The following NEGR1 variants were observed in gnomAD, a reference collection of about 807,000 sequenced individuals.
NEGR1 encodes IgLON family member 4.
A neutral mutation model predicts 40.9 loss-of-function variants in NEGR1; 10 were observed. The observed-to-expected ratio is 0.24, with a 90% CI of 0.15 to 0.42. The LOEUF is 0.42. NEGR1 is among the 10% of genes least tolerant of loss of function. The pLI is 1.00. For missense variants in NEGR1, 352 were observed against 438.9 expected (o/e 0.80, Z 1.77); for synonymous variants, 185 against 166.8 (o/e 1.11, Z -0.84).
In NEGR1 at chr1:71,935,131, A is replaced by G; in HGVS notation, c.357T>C (p.Ser119=). ...DVTDDGPYTC[S]VQTQHTPRTM... is the part of the protein sequence containing the mutation. ...TTCTGGGTGTATGTTGAGTCTGAAC[A>G]GAACACGTGTATGGGCCATCATCTG... Residue 119 remains serine (S), a synonymous_variant, in exon 2 of 7, where the codon TCT becomes TCC. Coordinates refer to ENST00000357731, the MANE Select transcript of NEGR1 (RefSeq NM_173808.3). 9 of 1,613,896 alleles carry G rather than the reference A, an allele frequency of 5.6e-6. No individual in the cohort carries two copies. The highest frequency in any genetic ancestry group is 7.6e-6 in the Non-Finnish European group (9 of 1,179,830).
chr1:71,557,346 T>C (rs1467599243), intron 6 of NEGR1, among the ~76,000 whole-genome samples: 1 of 151,570 alleles, frequency 6.6e-6, no homozygotes, highest in Non-Finnish European at 1.5e-5. Context: ...TCTGGGAAAT[T>C]AGGCTTTCTT....
At chr1:71,751,591 T>A (rs953518650) in intron 3 of NEGR1, among the ~76,000 whole-genome samples, 2 of 152,220 alleles carry the variant, frequency 1.3e-5, no homozygotes, top group African/African-American at 4.8e-5. Context: ...CATTGGATGT[T>A]AGTCAAACAG....
chr1:71,953,262 G>C (rs982047044), intron 1 of NEGR1, among the ~76,000 whole-genome samples: 3 of 151,946 alleles, frequency 2.0e-5, no homozygotes, highest in Non-Finnish European at 2.9e-5. Flanking sequence ...AGATATCATT[G>C]AGAATATTCG....
At chr1:71,678,557 C>T (rs781305066) in intron 4 of NEGR1, among the ~76,000 whole-genome samples, 13 of 152,138 alleles carry the variant, frequency 8.5e-5, no homozygotes, top group East Asian at 3.9e-4. Flanking sequence ...CCACCCAGAG[C>T]AAGTCTAGTT....
chr1:71,854,546 C>T (rs1376055885), intron 2 of NEGR1, among the ~76,000 whole-genome samples: 1 of 151,912 alleles, frequency 6.6e-6, no homozygotes, highest in Non-Finnish European at 1.5e-5. Context: ...CGTATTAGTC[C>T]ACTCTGATGC....
intron 1 of NEGR1, among the ~76,000 whole-genome samples, chr1:72,060,474 G>A (rs753389253): frequency 6.6e-6 from 1 of 151,634 alleles, no homozygotes; most frequent in Non-Finnish European, 1.5e-5. Context: ...ACCTAACCAT[G>A]TTAATCTCCT....
chr1:71,501,671 T>G (rs1380716077), intron 6 of NEGR1, among the ~76,000 whole-genome samples: 2 of 152,122 alleles, frequency 1.3e-5, no homozygotes, highest in African/African-American at 4.8e-5. Flanking sequence ...TGGTGACATG[T>G]CAAAGAATGC....
rs534563886 is a variant in NEGR1, at chr1:72,165,990, G to C, written c.176+116329C>G. Among the ~76,000 whole-genome samples the C allele has an allele frequency of 1.6e-4, 24 of 152,020 alleles. No homozygotes were observed. In the South Asian group the frequency reaches 4.8e-3, roughly 30 times the overall value. ...AGAAATTCAACTTGAACTACGTTAG[G>C]CAATAAGAGTTTATATAATAGGAAA... On this transcript the variant is annotated intron_variant, in intron 1 of 6. Transcript: ENST00000357731.
At chr1:72,255,547 C>CTTTT (rs35452808) in intron 1 of NEGR1, among the ~76,000 whole-genome samples, 57 of 125,342 alleles carry the variant, frequency 4.5e-4, no homozygotes, top group Non-Finnish European at 7.8e-4. Flanking sequence ...AAAAATACTT[C>CTTTT]TTTTTTTTTT....
At chr1:71,720,204 A>G (rs906978100) in intron 3 of NEGR1, among the ~76,000 whole-genome samples, 14 of 152,220 alleles carry the variant, frequency 9.2e-5, no homozygotes, top group African/African-American at 2.9e-4. Flanking sequence ...ACAATGTTGT[A>G]ATAGTGTATA....
intron 5 of NEGR1, among the ~76,000 whole-genome samples, chr1:71,594,700 C>T (rs1214152687): frequency 6.6e-6 from 1 of 152,170 alleles, no homozygotes; most frequent in Non-Finnish European, 1.5e-5. Flanking sequence ...AACATTTATG[C>T]TAAATTCCCC....
intron 6 of NEGR1, among the ~76,000 whole-genome samples, chr1:71,430,584 C>T (rs552445951): frequency 6.6e-5 from 10 of 150,898 alleles, no homozygotes; most frequent in African/African-American, 2.4e-4. Context: ...CACATTTTAG[C>T]TGGGCAGTAC....
intron 1 of NEGR1, among the ~76,000 whole-genome samples, chr1:72,091,437 CTCCCTAACTCCA>C (rs1266976486): frequency 3.4e-5 from 5 of 147,058 alleles, no homozygotes; most frequent in Non-Finnish European, 4.5e-5. Context: ...CCTTCCCTCC[CTCCCTAACTCCA>C]TCCCTAACTC....
intron 1 of NEGR1, among the ~76,000 whole-genome samples, chr1:72,218,894 T>C (rs969820044): frequency 6.6e-6 from 1 of 151,978 alleles, no homozygotes; most frequent in African/African-American, 2.4e-5. Flanking sequence ...AAAGAAAAGG[T>C]TGCTGTTTGC....
chr1:71,549,670 A>T (rs894191979), intron 6 of NEGR1, among the ~76,000 whole-genome samples: 2 of 151,638 alleles, frequency 1.3e-5, no homozygotes, highest in African/African-American at 4.8e-5. Context: ...GTTTGTTAAA[A>T]CCCAAAGCCC....
intron 1 of NEGR1, among the ~76,000 whole-genome samples, chr1:71,990,918 A>ATATATATT (rs888701714): frequency 9.6e-6 from 1 of 104,206 alleles, no homozygotes; most frequent in Admixed American, 9.9e-5. Context: ...ATATATATAT[A>ATATATATT]TTTTTTTTTT....
chr1:72,040,314 CA>C (rs1220904715), intron 1 of NEGR1, among the ~76,000 whole-genome samples: 3 of 151,702 alleles, frequency 2.0e-5, no homozygotes, highest in Admixed American at 1.3e-4. Context: ...GTTGAATCTG[CA>C]ATAGAAATAG....
intron 1 of NEGR1, among the ~76,000 whole-genome samples, chr1:72,278,501 T>C (rs1036912430): frequency 6.6e-6 from 1 of 152,120 alleles, no homozygotes; most frequent in African/African-American, 2.4e-5. Context: ...ACAGTATTTG[T>C]TAATAAGGTA....
chr1:71,971,490 T>C (rs981545965), intron 1 of NEGR1, among the ~76,000 whole-genome samples: 1 of 152,218 alleles, frequency 6.6e-6, no homozygotes, highest in Non-Finnish European at 1.5e-5. Context: ...CATGAGATTA[T>C]ACACATGAAA....
Sources: gnomAD v4.1 joint callset for allele counts (sites outside exome capture counted in the v4.1 genomes callset) on GRCh38, gnomAD v4.1.1 for gene constraint, MANE v1.5 for transcripts, NCBI Gene and HGNC (gene_info 2026-07-23, HGNC 2026-07-21) for gene names.